Variants in MAOB observed in about 807,000 individuals in gnomAD.
MAOB encodes monoamine oxidase B.
MAOB carries 15 observed loss-of-function variants against 41.9 expected under a neutral mutation model. That is an observed-to-expected ratio of 0.36 (90% CI 0.24 to 0.55). The LOEUF (loss-of-function observed/expected upper bound fraction) is 0.55. MAOB is among the 20% of genes least tolerant of loss of function. The pLI is 0.86. For synonymous variants in MAOB, 167 were observed against 144.2 expected (o/e 1.16, Z -1.13); for missense variants, 345 against 398.7 (o/e 0.87, Z 1.15).
chrX:43,839,873 T>C (rs1225542394), intron 2 of MAOB, among the ~76,000 whole-genome samples: 1 of 112,165 alleles, frequency 8.9e-6, no homozygotes, highest in Non-Finnish European at 1.9e-5. Flanking sequence ...TTTCAAGGAA[T>C]ATGAAGATTT....
At chrX:43,846,720 T>C (rs765313496) in intron 1 of MAOB, among the ~76,000 whole-genome samples, 6 of 111,977 alleles carry the variant, frequency 5.4e-5, no homozygotes, top group Non-Finnish European at 1.1e-4. Context: ...TGATGACTGA[T>C]AAAAGGACTA....
At chrX:43,801,648 T>C (rs978097239) in intron 5 of MAOB, among the ~76,000 whole-genome samples, 24 of 112,479 alleles carry the variant, frequency 2.1e-4, no homozygotes, top group African/African-American at 7.1e-4. Context: ...GCTTAACTCA[T>C]AGGTACTTGT....
intron 8 of MAOB, among the ~76,000 whole-genome samples, chrX:43,782,990 C>A (rs1354536386): frequency 8.9e-6 from 1 of 111,767 alleles, no homozygotes; most frequent in East Asian, 2.8e-4. Flanking sequence ...TGGAACGTAT[C>A]TCAAAATAAT....
chrX:43,843,995 C>CT (rs776758036), intron 1 of MAOB: 6 of 828,883 alleles, frequency 7.2e-6, no homozygotes, highest in Non-Finnish European at 7.7e-6. Context: ...AACACATCCT[C>CT]TGCCACTATA....
intron 1 of MAOB, among the ~76,000 whole-genome samples, chrX:43,856,585 G>A (rs1602029040): frequency 8.9e-6 from 1 of 111,738 alleles, no homozygotes; most frequent in Non-Finnish European, 1.9e-5. Flanking sequence ...TTAGCCTACC[G>A]TTAGTCTTAC....
intron 8 of MAOB, among the ~76,000 whole-genome samples, chrX:43,792,797 C>A (rs759120155): frequency 4.5e-5 from 5 of 111,753 alleles, no homozygotes; most frequent in African/African-American, 1.6e-4. Flanking sequence ...AAAAATGGAA[C>A]TATCATGCGA....
intron 4 of MAOB, among the ~76,000 whole-genome samples, chrX:43,802,897 G>A (rs1395508307): frequency 1.8e-5 from 2 of 111,306 alleles, no homozygotes; most frequent in East Asian, 5.6e-4. Flanking sequence ...GTATACCTAT[G>A]TAATGAACCT....
At chrX:43,817,894 T>C (rs1316436185) in intron 3 of MAOB, among the ~76,000 whole-genome samples, 6 of 112,502 alleles carry the variant, frequency 5.3e-5, no homozygotes, top group Non-Finnish European at 1.1e-4. Flanking sequence ...TTTGTTCATA[T>C]ATATATACAT....
At chrX:43,792,949 TTAGA>T (rs2034481213) in intron 8 of MAOB, among the ~76,000 whole-genome samples, 1 of 111,802 alleles carries the variant, frequency 8.9e-6, no homozygotes, top group African/African-American at 3.2e-5. Context: ...CAAAGGTGGA[TTAGA>T]TAAAGAAAAT....
chrX:43,791,681 C>T (rs772228163), intron 8 of MAOB, among the ~76,000 whole-genome samples: 4 of 110,427 alleles, frequency 3.6e-5, no homozygotes, highest in Non-Finnish European at 7.6e-5. Flanking sequence ...CGCTTAAACC[C>T]GGAAGGCAGG....
At chrX:43,794,647 T>C (rs1366651650) in intron 7 of MAOB, among the ~76,000 whole-genome samples, 2 of 110,539 alleles carry the variant, frequency 1.8e-5, no homozygotes, top group African/African-American at 6.6e-5. Flanking sequence ...AAAAGCAAAA[T>C]ACAGAGGGTT....
At chrX:43,849,518 C>T (rs2035234301) in intron 1 of MAOB, among the ~76,000 whole-genome samples, 1 of 112,746 alleles carries the variant, frequency 8.9e-6, no homozygotes, top group Middle Eastern at 4.6e-3. Context: ...AAAACATGTC[C>T]TTCATTCAGG....
intron 3 of MAOB, among the ~76,000 whole-genome samples, chrX:43,828,142 C>T (rs1048012363): frequency 8.9e-6 from 1 of 111,897 alleles, no homozygotes; most frequent in Non-Finnish European, 1.9e-5. Flanking sequence ...TTTCAATTGC[C>T]AAAACATCTA....
intron 1 of MAOB, among the ~76,000 whole-genome samples, chrX:43,878,829 C>T (rs1275144660): frequency 1.8e-5 from 2 of 111,120 alleles, no homozygotes; most frequent in African/African-American, 6.6e-5. Flanking sequence ...CTCCCTGCCA[C>T]AAAGATCACC....
At chrX:43,806,477 G>T (rs1332235202) in intron 3 of MAOB, among the ~76,000 whole-genome samples, 1 of 111,630 alleles carries the variant, frequency 9.0e-6, no homozygotes, top group Non-Finnish European at 1.9e-5. Flanking sequence ...AAGTGCTCTT[G>T]TCATCATGTC....
chrX:43,824,171 T>G (rs1158866612), intron 3 of MAOB, among the ~76,000 whole-genome samples: 2 of 112,219 alleles, frequency 1.8e-5, no homozygotes, highest in Non-Finnish European at 3.8e-5. Flanking sequence ...CACAGCAGGA[T>G]CCTAAGAATA....
At chrX:43,838,771 G>T in intron 3 of MAOB, 97 bp downstream of exon 3, 1 of 839,755 alleles carries the variant, frequency 1.2e-6, no homozygotes, top group Non-Finnish European at 1.6e-6. Context: ...GCATCATCCA[G>T]AGATATAGAA....
chrX:43,774,389 A>G (rs2034225914), intron 12 of MAOB, among the ~76,000 whole-genome samples: 1 of 112,057 alleles, frequency 8.9e-6, no homozygotes, highest in Admixed American at 9.5e-5. Flanking sequence ...GGTGAATTGT[A>G]TGGTATGTGA....
chrX:43,848,272 G>A (rs1255233356), intron 1 of MAOB, among the ~76,000 whole-genome samples: 1 of 111,518 alleles, frequency 9.0e-6, no homozygotes. Flanking sequence ...GCTTGGCTTT[G>A]TCAATCTGTT....
Sources: gnomAD v4.1 joint callset for allele counts (sites outside exome capture counted in the v4.1 genomes callset) on GRCh38, gnomAD v4.1.1 for gene constraint, MANE v1.5 for transcripts, NCBI Gene and HGNC (gene_info 2026-07-23, HGNC 2026-07-21) for gene names.